The following PDLIM5 variants were observed in gnomAD, a reference collection of about 807,000 sequenced individuals.
The protein encoded by PDLIM5 is PDZ and LIM domain 5.
Under a neutral mutation model 64.2 loss-of-function variants are expected in PDLIM5, and 34 were observed. The observed-to-expected ratio is 0.53, with a 90% confidence interval of 0.40 to 0.71. The LOEUF is 0.71. PDLIM5 is among the 30% of genes least tolerant of loss of function. PDLIM5 has a pLI of 0.00. For synonymous variants in PDLIM5, 253 were observed against 269.1 expected (o/e 0.94, Z 0.59); for missense variants, 683 against 733.6 (o/e 0.93, Z 0.80).
intron 11 of PDLIM5, among the ~76,000 whole-genome samples, chr4:94,660,757 C>G (rs2110504957): frequency 6.6e-6 from 1 of 152,202 alleles, no homozygotes; most frequent in East Asian, 1.9e-4. Context: ...AATCGAGTTG[C>G]AAATTATAGC....
chr4:94,537,665 T>C (rs938879482), intron 3 of PDLIM5, among the ~76,000 whole-genome samples: 3 of 152,186 alleles, frequency 2.0e-5, no homozygotes, highest in African/African-American at 7.2e-5. Flanking sequence ...TTGTTACCTC[T>C]AAGAAGTTAC....
At chr4:94,637,394 A>G (rs1740655959) in intron 8 of PDLIM5, among the ~76,000 whole-genome samples, 1 of 152,036 alleles carries the variant, frequency 6.6e-6, no homozygotes, top group South Asian at 2.1e-4. Flanking sequence ...CCTCATCTCT[A>G]CTAAAAATAC....
chr4:94,487,839 T>C (rs1726494426), intron 2 of PDLIM5, among the ~76,000 whole-genome samples: 3 of 152,162 alleles, frequency 2.0e-5, no homozygotes. Flanking sequence ...TGGAACAGCG[T>C]TGCTTGGTTT....
chr4:94,611,870 GCTGT>G (rs1470269697), intron 7 of PDLIM5, among the ~76,000 whole-genome samples: 1 of 152,114 alleles, frequency 6.6e-6, no homozygotes, highest in Non-Finnish European at 1.5e-5. Flanking sequence ...ATATAACTAG[GCTGT>G]CTATTGATTA....
rs759120575 is a variant in PDLIM5 at position 94,613,960 on chromosome 4, C to CTT, written c.921-4024_921-4023dup. Among the ~76,000 whole-genome samples, 700 of 124,296 alleles carry CTT rather than the reference C, an allele frequency of 5.6e-3. 11 individuals carry two copies. The highest frequency in any genetic ancestry group is 0.015 in the African/African-American group (455 of 30,502). The allele number at this position is 124,296 out of a possible 152,430, so 81.5% of individuals were successfully genotyped here. A position where few individuals can be genotyped will look rare whatever the true frequency, so the allele number is the denominator to read the frequency against. ...ATAATATGGCCAGTGACTTTTAATC[C>CTT]TTTTTTTTTTTTTTTTTTTTTGAGA... is the stretch of plus-strand genomic sequence containing the variant. On this transcript the variant is annotated intron_variant, in intron 7 of 12. Transcript: ENST00000317968.
At chr4:94,517,793 G>T (rs548938713) in intron 2 of PDLIM5, among the ~76,000 whole-genome samples, 1 of 152,284 alleles carries the variant, frequency 6.6e-6, no homozygotes, top group Non-Finnish European at 1.5e-5. Flanking sequence ...TTTGGTAGTG[G>T]CTCTTTATAT....
rs757755783 is a variant in PDLIM5 at position 94,455,404 on chromosome 4, T to G, written c.96+20T>G. 1 of 1,463,892 alleles carries G rather than the reference T, an allele frequency of 6.8e-7. No homozygotes were observed. Among genetic ancestry groups the G allele is most frequent in the Admixed American group, 1.7e-5 (1 of 59,680 alleles). 90.7% of individuals were successfully genotyped at this position (1,463,892 alleles called of 1,614,324 possible). A position where few individuals can be genotyped will look rare whatever the true frequency, so the allele number is the denominator to read the frequency against. On this transcript the variant is annotated intron_variant, in intron 2 of 12. Coordinates refer to ENST00000317968, the MANE Select transcript of PDLIM5 (RefSeq NM_006457.5). ...TCTAGTGTAAGTAAACTTTACAAAT[T>G]TTATTATAGATGTTCATTCAGTGCT...
At chr4:94,500,447 C>T (rs537680053) in intron 2 of PDLIM5, among the ~76,000 whole-genome samples, 1 of 152,136 alleles carries the variant, frequency 6.6e-6, no homozygotes, top group South Asian at 2.1e-4. Context: ...AATATTTGGC[C>T]TCAGGAAAGT....
intron 3 of PDLIM5, among the ~76,000 whole-genome samples, chr4:94,572,412 C>G (rs1237394592): frequency 2.0e-5 from 3 of 152,134 alleles, no homozygotes; most frequent in Non-Finnish European, 4.4e-5. Flanking sequence ...TCAGCTCCAT[C>G]TTAAGCAATT....
At chr4:94,530,363 A>G (rs920275150) in intron 3 of PDLIM5, among the ~76,000 whole-genome samples, 3 of 152,098 alleles carry the variant, frequency 2.0e-5, no homozygotes, top group Non-Finnish European at 2.9e-5. Context: ...GTGCCAGGTT[A>G]ACAAAGTGAC....
At chr4:94,631,065 C>CTT (rs35302992) in intron 8 of PDLIM5, among the ~76,000 whole-genome samples, 15 of 135,674 alleles carry the variant, frequency 1.1e-4, no homozygotes, top group East Asian at 8.9e-4. Flanking sequence ...CCATGCCAAA[C>CTT]TTTTTTTTTT....
At chr4:94,662,382 T>C in intron 11 of PDLIM5, 40 bp from the exon 12 acceptor site, 2 of 928,246 alleles carry the variant, frequency 2.2e-6, no homozygotes, top group South Asian at 1.4e-5. Flanking sequence ...TAAAACTTCA[T>C]CATGTTTAAA....
In PDLIM5 at chr4:94,455,417, T is replaced by A. The variant is rs1723246117; in HGVS notation, c.96+33T>A. Reference sequence around the variant, plus strand: ...AACTTTACAAATTTTATTATAGATGTTCATTCAGTGCTTAGTCCTCGGGCT... The same window carrying A: ...AACTTTACAAATTTTATTATAGATGATCATTCAGTGCTTAGTCCTCGGGCT... On this transcript the variant is annotated intron_variant, in intron 2 of 12. Coordinates refer to ENST00000317968, the MANE Select transcript of PDLIM5 (RefSeq NM_006457.5). 2.3e-6 allele frequency: 3 copies of A among 1,297,240 alleles called. No individual in the cohort carries two copies. The East Asian group carries it at 6.9e-5, about 30-fold the overall frequency. 80.4% of individuals were successfully genotyped at this position (1,297,240 alleles called of 1,614,324 possible).
At chr4:94,568,326 A>C (rs1344770935) in intron 3 of PDLIM5, among the ~76,000 whole-genome samples, 1 of 152,210 alleles carries the variant, frequency 6.6e-6, no homozygotes, top group Admixed American at 6.5e-5. Context: ...CAAAGACTAA[A>C]ATATTTACTG....
intron 7 of PDLIM5, among the ~76,000 whole-genome samples, chr4:94,588,720 G>T (rs1437694164): frequency 2.0e-5 from 3 of 152,116 alleles, no homozygotes; most frequent in African/African-American, 7.2e-5. Flanking sequence ...TATTGTTTGT[G>T]TGAAATTACC....
At chr4:94,567,088 G>A (rs1246206713) in intron 3 of PDLIM5, among the ~76,000 whole-genome samples, 2 of 152,198 alleles carry the variant, frequency 1.3e-5, no homozygotes, top group African/African-American at 4.8e-5. Flanking sequence ...CCGCCTCCCG[G>A]TTCACGCTGT....
At chr4:94,642,768 T>G (rs1170812292) in intron 9 of PDLIM5, among the ~76,000 whole-genome samples, 1 of 152,180 alleles carries the variant, frequency 6.6e-6, no homozygotes, top group Non-Finnish European at 1.5e-5. Context: ...GTGTCACTAT[T>G]ACTTAACCAA....
intron 5 of PDLIM5, chr4:94,577,220 G>A: frequency 2.2e-6 from 1 of 457,144 alleles, no homozygotes; most frequent in Middle Eastern, 3.2e-4. Flanking sequence ...CAGTTCCCAG[G>A]AAAATATAAT....
chr4:94,645,367 ATAAAC>A (rs1741332343), intron 9 of PDLIM5, among the ~76,000 whole-genome samples: 1 of 152,212 alleles, frequency 6.6e-6, no homozygotes, highest in Admixed American at 6.5e-5. Context: ...TTGTGCTGCT[ATAAAC>A]ATGCATGTGC....
Sources: allele counts gnomAD v4.1 joint callset (sites outside exome capture counted in the v4.1 genomes callset), GRCh38; gene constraint gnomAD v4.1.1; transcripts MANE v1.5; gene names NCBI Gene and HGNC (gene_info 2026-07-23, HGNC 2026-07-21).